The following ARMH3 variants were observed in gnomAD, a reference collection of about 807,000 sequenced individuals.
ARMH3 encodes the protein armadillo-like helical domain-containing protein 3.
A neutral mutation model predicts 99.1 loss-of-function variants in ARMH3; 60 were observed. That is an observed-to-expected ratio of 0.61 (90% CI 0.49 to 0.75). The LOEUF is 0.75. ARMH3 is among the 30% of genes least tolerant of loss of function. The pLI is 0.00. For missense variants in ARMH3, 679 were observed against 843.1 expected (o/e 0.81, Z 2.41); for synonymous variants, 285 against 292.8 (o/e 0.97, Z 0.27).
intron 14 of ARMH3, 44 bp from the exon 15 acceptor site, chr10:102,002,116 C>T (rs2066375033): frequency 1.9e-6 from 3 of 1,605,864 alleles, no homozygotes; most frequent in Non-Finnish European, 1.7e-6. Flanking sequence ...CAACATATTC[C>T]ATCTAACACT....
At chr10:101,935,198 T>C (rs866255831) in intron 23 of ARMH3, among the ~76,000 whole-genome samples, 6 of 141,156 alleles carry the variant, frequency 4.3e-5, no homozygotes, top group African/African-American at 8.1e-5. Context: ...TATATATATA[T>C]ACATTTTTTG....
At chr10:101,999,620 G>A (rs1161357096) in intron 15 of ARMH3, among the ~76,000 whole-genome samples, 1 of 152,078 alleles carries the variant, frequency 6.6e-6, no homozygotes, top group Non-Finnish European at 1.5e-5. Flanking sequence ...GGACAAATGG[G>A]GATACTGAAA....
intron 16 of ARMH3, among the ~76,000 whole-genome samples, chr10:101,994,008 G>C (rs1433647633): frequency 6.6e-6 from 1 of 152,214 alleles, no homozygotes; most frequent in Non-Finnish European, 1.5e-5. Flanking sequence ...GGGTTTAGGA[G>C]CAAGAAGAAA....
At chr10:101,861,039 T>C (rs1002069749) in intron 24 of ARMH3, among the ~76,000 whole-genome samples, 1 of 151,926 alleles carries the variant, frequency 6.6e-6, no homozygotes, top group Non-Finnish European at 1.5e-5. Context: ...CAGCAGTCAA[T>C]AGAAATAGAC....
chr10:102,046,960 T>C (rs925023506), intron 1 of ARMH3, among the ~76,000 whole-genome samples: 1 of 152,202 alleles, frequency 6.6e-6, no homozygotes, highest in East Asian at 1.9e-4. Context: ...GAAGGTGCCA[T>C]GGTAGAAAGT....
intron 23 of ARMH3, among the ~76,000 whole-genome samples, chr10:101,938,763 C>G (rs1001207432): frequency 6.6e-6 from 1 of 152,172 alleles, no homozygotes; most frequent in Non-Finnish European, 1.5e-5. Flanking sequence ...TTGCTAGGTG[C>G]AGATATGCAT....
chr10:101,925,081 C>G (rs187191498), intron 23 of ARMH3, among the ~76,000 whole-genome samples: 15 of 152,276 alleles, frequency 9.9e-5, no homozygotes, highest in Admixed American at 3.3e-4. Flanking sequence ...ATCAACTGAA[C>G]AAGTGTAGGA....
At chr10:102,015,945 G>T (rs1471286552) in intron 8 of ARMH3, among the ~76,000 whole-genome samples, 1 of 152,132 alleles carries the variant, frequency 6.6e-6, no homozygotes, top group Admixed American at 6.5e-5. Context: ...ACCAGCTTGG[G>T]CAACATGGCA....
At chr10:102,053,943 A>G (rs914844603) in intron 1 of ARMH3, among the ~76,000 whole-genome samples, 4 of 152,104 alleles carry the variant, frequency 2.6e-5, no homozygotes, top group African/African-American at 9.7e-5. Flanking sequence ...GTGCTCAATA[A>G]ATGTGTTGAA....
intron 23 of ARMH3, among the ~76,000 whole-genome samples, chr10:101,905,810 G>A (rs2068087878): frequency 6.6e-6 from 1 of 152,116 alleles, no homozygotes; most frequent in Admixed American, 6.5e-5. Context: ...GTACAAAAAG[G>A]TGCAAAAAAG....
intron 8 of ARMH3, among the ~76,000 whole-genome samples, chr10:102,017,283 C>A (rs2066770649): frequency 1.3e-5 from 2 of 152,214 alleles, no homozygotes; most frequent in Admixed American, 6.5e-5. Flanking sequence ...TGATTTATAT[C>A]AAAAGCTGCA....
intron 8 of ARMH3, among the ~76,000 whole-genome samples, chr10:102,020,179 T>C (rs2066848085): frequency 6.6e-6 from 1 of 152,042 alleles, no homozygotes; most frequent in Non-Finnish European, 1.5e-5. Flanking sequence ...GTAAGTTAAT[T>C]TACTATTGAA....
chr10:101,902,951 G>T (rs1009912344), intron 23 of ARMH3, among the ~76,000 whole-genome samples: 1 of 152,094 alleles, frequency 6.6e-6, no homozygotes, highest in Non-Finnish European at 1.5e-5. Flanking sequence ...AGGGTGAGGC[G>T]GTTGGCTCTG....
chr10:101,997,977 C>T (rs1260507769), intron 15 of ARMH3, among the ~76,000 whole-genome samples: 1 of 152,128 alleles, frequency 6.6e-6, no homozygotes, highest in African/African-American at 2.4e-5. Context: ...CCAATAAAGC[C>T]ACACAGGAGT....
chr10:101,956,519 C>CT (rs1845044435), intron 22 of ARMH3, 78 bp downstream of exon 22: 2 of 1,534,118 alleles, frequency 1.3e-6, no homozygotes, highest in Non-Finnish European at 1.8e-6. Flanking sequence ...AGAGGAGAAT[C>CT]TTTCGTAGTC....
intron 1 of ARMH3, among the ~76,000 whole-genome samples, chr10:102,050,489 T>A (rs925433447): frequency 7.9e-5 from 12 of 151,856 alleles, no homozygotes; most frequent in African/African-American, 2.2e-4. Flanking sequence ...CATAAATAAA[T>A]AAAAAGATTC....
intron 24 of ARMH3, among the ~76,000 whole-genome samples, chr10:101,854,530 C>A (rs2066686160): frequency 6.6e-6 from 1 of 152,054 alleles, no homozygotes; most frequent in Non-Finnish European, 1.5e-5. Flanking sequence ...CACAAATGGC[C>A]TCAGTTTCAA....
intron 5 of ARMH3, 21 bp downstream of exon 5, chr10:102,029,617 C>G: frequency 6.2e-7 from 1 of 1,614,246 alleles, no homozygotes; most frequent in Non-Finnish European, 8.5e-7. Context: ...TCCACAGGCA[C>G]ATCTGCAGCT....
intron 24 of ARMH3, among the ~76,000 whole-genome samples, chr10:101,853,330 C>T (rs2066651368): frequency 6.6e-6 from 1 of 152,190 alleles, no homozygotes; most frequent in Non-Finnish European, 1.5e-5. Context: ...ACATTCTAGG[C>T]TCAGGCCTGG....
Sources: allele counts gnomAD v4.1 joint callset (sites outside exome capture counted in the v4.1 genomes callset), GRCh38; gene constraint gnomAD v4.1.1; transcripts MANE v1.5; gene names NCBI Gene and HGNC (gene_info 2026-07-23, HGNC 2026-07-21).